Variants in STXBP5L observed in about 807,000 individuals in gnomAD.
The protein encoded by STXBP5L is syntaxin-binding protein 5-like.
Under a neutral mutation model 144.5 loss-of-function variants are expected in STXBP5L, and 65 were observed. That is an observed-to-expected ratio of 0.45 (90% confidence interval 0.37 to 0.55). The LOEUF is 0.55. Ranked by LOEUF, STXBP5L falls within the 20% of genes least tolerant of loss-of-function variation. STXBP5L has a pLI of 0.00. For synonymous variants in STXBP5L, 505 were observed against 469.6 expected, an observed-to-expected ratio of 1.08 and a Z score of -0.97; for missense variants, 1,298 against 1,405.5, an observed-to-expected ratio of 0.92 and a Z score of 1.22.
At chr3:120,973,640 C>A (rs112368309) in intron 3 of STXBP5L, among the ~76,000 whole-genome samples, 4 of 151,718 alleles carry the variant, frequency 2.6e-5, no homozygotes, top group Middle Eastern at 3.4e-3. Flanking sequence ...TGTGCTGCAC[C>A]CATTAACTTG....
intron 2 of STXBP5L, among the ~76,000 whole-genome samples, chr3:120,942,140 C>T (rs1158776537): frequency 6.6e-6 from 1 of 151,578 alleles, no homozygotes; most frequent in Non-Finnish European, 1.5e-5. Flanking sequence ...AATTTTATGA[C>T]TATTAGGTTT....
rs184950027 is a variant in STXBP5L, at chr3:121,389,474, G to A, written c.2587+7942G>A. Among the ~76,000 whole-genome samples the A allele has an allele frequency of 9.9e-5, 15 of 152,282 alleles. No individual in the cohort carries two copies. The East Asian group carries it at 2.7e-3, about 27-fold the overall frequency. ...CATCTCTAGTTCTTTTAATTGTGAT[G>A]TTAGGGTGTCGATTTTAGATCTTTC... On this transcript the variant is annotated intron_variant, in intron 22 of 26. Coordinates refer to ENST00000471454, the MANE Select transcript of STXBP5L (RefSeq NM_001308330.2).
intron 3 of STXBP5L, among the ~76,000 whole-genome samples, chr3:121,006,321 T>C (rs559404061): frequency 1.2e-4 from 18 of 152,294 alleles, no homozygotes; most frequent in African/African-American, 3.4e-4. Flanking sequence ...CTTCTTTGTC[T>C]CTTTTGATCT....
At chr3:121,183,465 T>A (rs2047239082) in intron 9 of STXBP5L, among the ~76,000 whole-genome samples, 1 of 152,076 alleles carries the variant, frequency 6.6e-6, no homozygotes, top group South Asian at 2.1e-4. Context: ...AACAAATCAG[T>A]GTACACAAAT....
chr3:121,035,858 T>C (rs981715371), intron 3 of STXBP5L, among the ~76,000 whole-genome samples: 4 of 152,168 alleles, frequency 2.6e-5, no homozygotes, highest in Admixed American at 6.6e-5. Flanking sequence ...CAATATTGAG[T>C]CTTGAACATC....
At chr3:120,932,312 T>G (rs924090170) in intron 2 of STXBP5L, among the ~76,000 whole-genome samples, 3 of 152,208 alleles carry the variant, frequency 2.0e-5, no homozygotes, top group Admixed American at 1.3e-4. Flanking sequence ...TTACATGATT[T>G]CTCTATTTAT....
intron 9 of STXBP5L, among the ~76,000 whole-genome samples, chr3:121,168,564 A>G (rs2046584531): frequency 6.6e-6 from 1 of 152,178 alleles, no homozygotes; most frequent in Non-Finnish European, 1.5e-5. Context: ...CAATAGCTGA[A>G]CTGATCAAGT....
chr3:121,133,569 C>T (rs1246640883), intron 7 of STXBP5L, among the ~76,000 whole-genome samples: 2 of 152,116 alleles, frequency 1.3e-5, no homozygotes, highest in African/African-American at 2.4e-5. Context: ...TAAAACCTTT[C>T]CCAGACAAAC....
intron 3 of STXBP5L, among the ~76,000 whole-genome samples, chr3:121,006,494 G>C (rs968121769): frequency 3.9e-5 from 6 of 152,044 alleles, no homozygotes; most frequent in Non-Finnish European, 1.5e-5. Context: ...GATGGATCTT[G>C]ACTCTATCCA....
intron 5 of STXBP5L, among the ~76,000 whole-genome samples, chr3:121,108,953 T>A (rs763315456): frequency 2.0e-5 from 3 of 152,184 alleles, no homozygotes; most frequent in Non-Finnish European, 2.9e-5. Flanking sequence ...AGGCTGTATG[T>A]GTTCAGGAAT....
At chr3:121,345,296 G>A (rs964322903) in intron 20 of STXBP5L, among the ~76,000 whole-genome samples, 12 of 152,052 alleles carry the variant, frequency 7.9e-5, no homozygotes, top group Non-Finnish European at 1.8e-4. Context: ...TGCTGAGAAT[G>A]ATGGTTTCCA....
chr3:121,227,920 T>G (rs1023637464), intron 11 of STXBP5L, among the ~76,000 whole-genome samples: 1 of 152,144 alleles, frequency 6.6e-6, no homozygotes, highest in Non-Finnish European at 1.5e-5. Context: ...ACCTAATCAT[T>G]TAATATCTGT....
intron 11 of STXBP5L, among the ~76,000 whole-genome samples, chr3:121,232,609 C>T (rs1307026473): frequency 6.6e-6 from 1 of 152,102 alleles, no homozygotes; most frequent in African/African-American, 2.4e-5. Context: ...CAAAACTGTC[C>T]TGAAAGGATT....
In STXBP5L at chr3:121,381,398, C is replaced by T. The variant is rs1225135771; in HGVS notation, c.2453C>T (p.Ala818Val). The change falls in exon 22 of 27, where the codon GCA becomes GTA. Residue 818 changes from alanine (A) to valine (V), a missense_variant. Ala to Val is a moderately conservative substitution (Grantham distance 64, BLOSUM62 0). Transcript: ENST00000471454. ...GCACTATACTTCATGGACTCCTTTG[C>T]ACGGAAAAATGACTCTACCATCTCT... is the stretch of plus-strand genomic sequence containing the variant. ...ITALYFMDSFARKNDSTISPC... is the reference protein window; with the variant it reads ...ITALYFMDSFVRKNDSTISPC... The T allele has an allele frequency of 6.2e-7, 1 of 1,610,836 alleles. No homozygotes were observed. The highest frequency in any genetic ancestry group is 1.7e-5 in the Admixed American group (1 of 59,168).
intron 5 of STXBP5L, among the ~76,000 whole-genome samples, chr3:121,092,866 G>C (rs59538698): frequency 1.2e-3 from 180 of 152,310 alleles, no homozygotes; most frequent in African/African-American, 4.2e-3. Flanking sequence ...CAAAGGGAAT[G>C]CTTCCAGTAT....
Position 120,997,533 on chromosome 3 carries a change from T to G in STXBP5L, c.287+42496T>G, listed in dbSNP as rs1052690025. ...ATTTTAATGTGCATTTCTCTAATGA[T>G]TGAACATTTTTTCATACGCTTGTTG... is the stretch of plus-strand genomic sequence containing the variant. On this transcript the variant is annotated intron_variant, in intron 3 of 26. Transcript: ENST00000471454. Among the ~76,000 whole-genome samples, 3 of 152,142 alleles carry G rather than the reference T, an allele frequency of 2.0e-5. No homozygotes were observed. The East Asian group carries it at 5.8e-4, about 29-fold the overall frequency.
chr3:121,196,565 CTTTA>C (rs1322713957), intron 9 of STXBP5L, among the ~76,000 whole-genome samples: 1 of 151,904 alleles, frequency 6.6e-6, no homozygotes, highest in African/African-American at 2.4e-5. Context: ...GTGCTATAAT[CTTTA>C]TTTCCTTTTT....
At chr3:121,145,605 G>C (rs1577059517) in intron 7 of STXBP5L, among the ~76,000 whole-genome samples, 1 of 151,876 alleles carries the variant, frequency 6.6e-6, no homozygotes, top group African/African-American at 2.4e-5. Context: ...TAAGAACAGA[G>C]ATGAAGAAAA....
At position 121,381,330 on chromosome 3, in the gene STXBP5L, TAGTATCTCC is replaced by T; in HGVS notation, c.2391_2399del (p.Ser798_Ile800del). On this transcript the variant is annotated inframe_deletion, in exon 22 of 27. Coordinates refer to ENST00000471454, the MANE Select transcript of STXBP5L (RefSeq NM_001308330.2). ...ATTCCTATAATCGTTCTAGAAGCTC[TAGTATCTCC>T]AGTATTGACAAAGATTCTAAAGAAG... 1 of 1,593,662 alleles carries T rather than the reference TAGTATCTCC, an allele frequency of 6.3e-7. No homozygotes were observed. The highest frequency in any genetic ancestry group is 8.5e-7 in the Non-Finnish European group (1 of 1,174,750).
Sources: allele counts gnomAD v4.1 joint callset (sites outside exome capture counted in the v4.1 genomes callset), GRCh38; gene constraint gnomAD v4.1.1; transcripts MANE v1.5; gene names NCBI Gene and HGNC (gene_info 2026-07-23, HGNC 2026-07-21).